The following YIPF1 variants were observed in gnomAD, a reference collection of about 807,000 sequenced individuals.
YIPF1 encodes Yip1 domain family member 1.
A neutral mutation model predicts 37.0 loss-of-function variants in YIPF1; 22 were observed. That is an observed-to-expected ratio of 0.59 (90% CI 0.42 to 0.85). The LOEUF is 0.85. YIPF1 is among the 40% of genes least tolerant of loss of function. YIPF1 has a pLI of 0.00. For missense variants in YIPF1, 355 were observed against 373.1 expected (o/e 0.95, Z 0.40); for synonymous variants, 128 against 131.9 (o/e 0.97, Z 0.21).
At chr1:53,884,943 T>C (rs969009370) in intron 3 of YIPF1, among the ~76,000 whole-genome samples, 2 of 152,222 alleles carry the variant, frequency 1.3e-5, no homozygotes, top group African/African-American at 2.4e-5. Context: ...AGCAGTTTTA[T>C]GGAGAACACT....
In YIPF1 at chr1:53,878,233, G is replaced by T. The variant is rs1434704350; in HGVS notation, c.364+82C>A. ...ATACATGGCATGCCCCACCAATAGT[G>T]CAGTTCTCCACATTTCCAGGCAACC... On this transcript the variant is annotated intron_variant, in intron 6 of 10. Coordinates refer to ENST00000072644, the MANE Select transcript of YIPF1 (RefSeq NM_018982.5). 3 of 1,357,016 alleles carry T rather than the reference G, an allele frequency of 2.2e-6. No individual in the cohort carries two copies. In the Admixed American group the frequency reaches 5.5e-5, roughly 25 times the overall value. 84.1% of individuals were successfully genotyped at this position (1,357,016 alleles called of 1,614,324 possible). A position where few individuals can be genotyped will look rare whatever the true frequency, so the allele number is the denominator to read the frequency against.
intron 3 of YIPF1, among the ~76,000 whole-genome samples, chr1:53,885,827 A>G (rs996152046): frequency 6.6e-6 from 1 of 151,522 alleles, no homozygotes; most frequent in Non-Finnish European, 1.5e-5. Flanking sequence ...CTCAAAAAAA[A>G]AAAAAAAAAA....
chr1:53,855,005 A>G (rs1250373288), intron 10 of YIPF1: 1 of 151,858 alleles, frequency 6.6e-6, no homozygotes, highest in Non-Finnish European at 1.5e-5. Context: ...TACTACCTGG[A>G]GAAGTCAAGA....
intron 3 of YIPF1, among the ~76,000 whole-genome samples, chr1:53,888,409 A>C (rs1354981302): frequency 6.6e-6 from 1 of 152,216 alleles, no homozygotes; most frequent in Non-Finnish European, 1.5e-5. Flanking sequence ...TCACAAGGAA[A>C]CTATTTTGTT....
chr1:53,872,930 C>A (rs1035313168), intron 6 of YIPF1, among the ~76,000 whole-genome samples: 5 of 152,062 alleles, frequency 3.3e-5, no homozygotes, highest in Non-Finnish European at 5.9e-5. Flanking sequence ...GCAAAAAAAA[C>A]CAACAACAAA....
chr1:53,878,213 T>C (rs1420360855), intron 6 of YIPF1, 102 bp downstream of exon 6: 11 of 1,141,938 alleles, frequency 9.6e-6, no homozygotes, highest in Non-Finnish European at 2.6e-6. Context: ...TAATAATACA[T>C]GGCATGCCCC....
chr1:53,889,062 T>C (rs554639849), intron 2 of YIPF1, 76 bp from the exon 3 acceptor site: 58 of 749,590 alleles, frequency 7.7e-5, no homozygotes, highest in African/African-American at 7.0e-4. Flanking sequence ...GTATTAGAAA[T>C]GGTATCACTT....
chr1:53,860,381 A>T (rs749940085), intron 9 of YIPF1, among the ~76,000 whole-genome samples: 1 of 152,224 alleles, frequency 6.6e-6, no homozygotes, highest in Admixed American at 6.5e-5. Context: ...ACTATATTAC[A>T]TGACTTACTC....
At chr1:53,855,458 T>C (rs1282705856) in intron 10 of YIPF1, among the ~76,000 whole-genome samples, 1 of 152,176 alleles carries the variant, frequency 6.6e-6, no homozygotes, top group Non-Finnish European at 1.5e-5. Context: ...TTCTTTATAT[T>C]ATTTCAATAA....
At chr1:53,878,230 A>T in intron 6 of YIPF1, 85 bp downstream of exon 6, 1 of 1,311,830 alleles carries the variant, frequency 7.6e-7, no homozygotes, top group African/African-American at 1.5e-5. Flanking sequence ...CCCCACCAAT[A>T]GTGCAGTTCT....
At chr1:53,852,827 G>A (rs1649630324) in intron 10 of YIPF1, among the ~76,000 whole-genome samples, 1 of 152,080 alleles carries the variant, frequency 6.6e-6, no homozygotes, top group Admixed American at 6.6e-5. Flanking sequence ...AGTTAAAGGC[G>A]TGGTCAGAAT....
intron 3 of YIPF1, among the ~76,000 whole-genome samples, chr1:53,884,040 A>G (rs1650573818): frequency 6.6e-6 from 1 of 151,998 alleles, no homozygotes; most frequent in Admixed American, 6.6e-5. Flanking sequence ...ATGTCTCAAA[A>G]AAAAAGGAAA....
At chr1:53,882,280 T>A (rs1007135250) in intron 4 of YIPF1, among the ~76,000 whole-genome samples, 1 of 152,178 alleles carries the variant, frequency 6.6e-6, no homozygotes, top group African/African-American at 2.4e-5. Flanking sequence ...TGTTTACCTA[T>A]GTAACAAACC....
At chr1:53,861,681 G>GGA (rs1297728321) in intron 9 of YIPF1, among the ~76,000 whole-genome samples, 6 of 131,198 alleles carry the variant, frequency 4.6e-5, no homozygotes, top group Non-Finnish European at 9.9e-5. Context: ...AGGAAGGAAG[G>GGA]GAGAGAGAGA....
chr1:53,872,757 G>A (rs1650227130), intron 6 of YIPF1, among the ~76,000 whole-genome samples: 2 of 152,182 alleles, frequency 1.3e-5, no homozygotes, highest in African/African-American at 4.8e-5. Flanking sequence ...ACTGGCCCCT[G>A]AAGGTGGGAA....
chr1:53,873,688 C>CAA (rs1216285176), intron 6 of YIPF1, among the ~76,000 whole-genome samples: 11 of 102,968 alleles, frequency 1.1e-4, no homozygotes, highest in African/African-American at 3.0e-4. Flanking sequence ...GACCTCATCT[C>CAA]AAAAAAAAAA....
chr1:53,854,587 T>C (rs968721327), intron 10 of YIPF1, among the ~76,000 whole-genome samples: 1 of 152,190 alleles, frequency 6.6e-6, no homozygotes. Context: ...TGATCTGGGA[T>C]GTTCCAATGA....
chr1:53,872,181 G>A (rs1650210456), intron 6 of YIPF1, among the ~76,000 whole-genome samples: 2 of 152,032 alleles, frequency 1.3e-5, no homozygotes, highest in East Asian at 1.9e-4. Context: ...GGAATATGGA[G>A]AACAGCAAGA....
intron 8 of YIPF1, 83 bp from the exon 9 acceptor site, chr1:53,866,465 A>G: frequency 2.8e-6 from 4 of 1,445,202 alleles, no homozygotes; most frequent in Non-Finnish European, 2.8e-6. Context: ...AAGGCCCCTG[A>G]GCCAATCAGC....
Sources: gnomAD v4.1 joint callset for allele counts (sites outside exome capture counted in the v4.1 genomes callset) on GRCh38, gnomAD v4.1.1 for gene constraint, MANE v1.5 for transcripts, NCBI Gene and HGNC (gene_info 2026-07-23, HGNC 2026-07-21) for gene names.